Variants in TSHZ3 observed in about 807,000 individuals in gnomAD.
TSHZ3 encodes teashirt zinc finger homeobox 3, also known as teashirt homolog 3.
In TSHZ3, 10 loss-of-function variants were observed where a neutral mutation model predicts 64.5. The ratio of observed to expected loss-of-function variants is 0.16; its 90% CI spans 0.10 to 0.26. The LOEUF is 0.26. TSHZ3 is among the 10% of genes least tolerant of loss of function. The pLI, the probability that TSHZ3 is intolerant of heterozygous loss-of-function variation, is 1.00. For synonymous variants in TSHZ3, 608 were observed against 593.1 expected (o/e 1.03, Z -0.36); for missense variants, 1,242 against 1,421.7 (o/e 0.87, Z 2.03).
In TSHZ3 at chr19:31,333,047, AGT is replaced by A. The variant is rs1269774647; in HGVS notation, c.40+16131_40+16132del. On this transcript the variant is annotated intron_variant, in intron 1 of 1. Coordinates refer to ENST00000240587, the MANE Select transcript of TSHZ3 (RefSeq NM_020856.4). ...CTGAGCCCAAGGAGGTCGAGGCTGC[AGT>A]GAGCCATGATCATGCCACTGCACTC... Among the ~76,000 whole-genome samples the A allele has an allele frequency of 1.3e-5, 2 of 151,972 alleles. 1 individual carries two copies. Among genetic ancestry groups the A allele is most frequent in the Admixed American group, 1.3e-4 (2 of 15,246 alleles).
intron 1 of TSHZ3, among the ~76,000 whole-genome samples, chr19:31,248,764 T>A: frequency 7.2e-6 from 1 of 138,160 alleles, no homozygotes; most frequent in South Asian, 2.3e-4. Context: ...CACTCCAGCC[T>A]GGAGAGACAG....
chr19:31,175,471 G>A (rs954444663), intron 5 of TSHZ3, among the ~76,000 whole-genome samples: 10 of 152,144 alleles, frequency 6.6e-5, no homozygotes, highest in African/African-American at 2.4e-4. Context: ...TAGAATAATT[G>A]GTTTTAGAAG....
chr19:31,150,242 G>A (rs549166451), exon 7 of TSHZ3, among the ~76,000 whole-genome samples: 2 of 152,322 alleles, frequency 1.3e-5, no homozygotes, highest in Admixed American at 1.3e-4. Flanking sequence ...TCTGAAGTCA[G>A]CCCGTGAGGC....
intron 1 of TSHZ3, among the ~76,000 whole-genome samples, chr19:31,335,053 C>T (rs1191012253): frequency 2.0e-5 from 3 of 152,170 alleles, no homozygotes; most frequent in Non-Finnish European, 4.4e-5. Flanking sequence ...GTGAACTTCT[C>T]AAAACTTAAA....
chr19:31,331,264 G>A (rs938829110), intron 1 of TSHZ3, among the ~76,000 whole-genome samples: 13 of 152,230 alleles, frequency 8.5e-5, no homozygotes, highest in Non-Finnish European at 1.6e-4. Flanking sequence ...CTGTAAAACC[G>A]CTCTCATAGT....
chr19:31,210,859 G>C (rs1975252649), intron 4 of TSHZ3, among the ~76,000 whole-genome samples: 1 of 152,196 alleles, frequency 6.6e-6, no homozygotes, highest in African/African-American at 2.4e-5. Context: ...AGTGTTAACT[G>C]TGTCTAGTGT....
chr19:31,279,052 A>G lies in TSHZ3; in HGVS notation c.741T>C (p.Asp247=), dbSNP rs1472058487. Residue 247 remains aspartate (D), a synonymous_variant, in exon 2 of 2, where the codon GAT becomes GAC. Coordinates refer to ENST00000240587, the MANE Select transcript of TSHZ3 (RefSeq NM_020856.4). The surrounding 1 kb of genome is among the most constrained non-coding windows in gnomAD (Gnocchi z 6.4). ...TGGACCAGCGCTTGGGGTTGTTGTTATCGGTCTCATGGTTGTCGTCGCGGT... is the reference window on the plus strand; with the variant it reads ...TGGACCAGCGCTTGGGGTTGTTGTTGTCGGTCTCATGGTTGTCGTCGCGGT... The part of the protein sequence containing the change: ...GHYRDDNHET[D]NNNPKRWSKP... The G allele has an allele frequency of 5.6e-6, 9 of 1,613,828 alleles. No individual in the cohort carries two copies. The East Asian group carries it at 1.8e-4, about 32-fold the overall frequency.
chr19:31,270,384 C>T (rs185935629), downstream of TSHZ3, among the ~76,000 whole-genome samples: 169 of 152,350 alleles, frequency 1.1e-3, 2 homozygotes, highest in Non-Finnish European at 3.1e-4. Flanking sequence ...TCACAATCTG[C>T]AGCCTCAAAC....
chr19:31,350,653 C>A (rs1212403042), upstream of TSHZ3, among the ~76,000 whole-genome samples: 1 of 151,536 alleles, frequency 6.6e-6, no homozygotes, highest in Non-Finnish European at 1.5e-5. Flanking sequence ...CCGGCCCGGC[C>A]GACTGGCCGC....
At position 31,278,074 on chromosome 19, in the gene TSHZ3, C is replaced by T; in HGVS notation, c.1719G>A (p.Leu573=). 1 of 1,614,052 alleles carries T rather than the reference C, an allele frequency of 6.2e-7. No individual in the cohort carries two copies. Among genetic ancestry groups the T allele is most frequent in the Non-Finnish European group, 8.5e-7 (1 of 1,179,916 alleles). The part of the protein sequence containing the change: ...SLGSSGKSTP[L]KPMFGNSEIV... ...TCTCACTGTTGCCAAACATGGGTTT[C>T]AGGGGCGTGCTCTTCCCCGACGAGC... Residue 573 remains leucine (L), a synonymous_variant, in exon 2 of 2, where the codon CTG becomes CTA. Transcript: ENST00000240587. This position sits in a 1 kb window ranked among gnomAD's most constrained non-coding sequence, Gnocchi z 4.7.
chr19:31,231,161 C>T (rs1975534538), intron 3 of TSHZ3, among the ~76,000 whole-genome samples: 1 of 152,060 alleles, frequency 6.6e-6, no homozygotes, highest in South Asian at 2.1e-4. Flanking sequence ...AAGCTAAGTG[C>T]TATACAGATA....
intron 3 of TSHZ3, among the ~76,000 whole-genome samples, chr19:31,240,926 C>T (rs1384333980): frequency 6.6e-6 from 1 of 152,016 alleles, no homozygotes; most frequent in Non-Finnish European, 1.5e-5. Context: ...TCATTAGGAC[C>T]ATATTTTTCT....
At chr19:31,300,735 T>C (rs1462101008) in intron 1 of TSHZ3, among the ~76,000 whole-genome samples, 1 of 152,076 alleles carries the variant, frequency 6.6e-6, no homozygotes, top group South Asian at 2.1e-4. Context: ...TGGTAAGAAG[T>C]TTAATTTTCA....
At chr19:31,273,253 C>T (rs376746955), downstream of TSHZ3, among the ~76,000 whole-genome samples, 2 of 152,274 alleles carry the variant, frequency 1.3e-5, no homozygotes, top group East Asian at 1.9e-4. Flanking sequence ...GCCCTACTGC[C>T]CAATTCTGAT....
upstream of TSHZ3, among the ~76,000 whole-genome samples, chr19:31,350,301 C>T (rs1441587392): frequency 6.6e-6 from 1 of 150,994 alleles, no homozygotes. Flanking sequence ...CCACTTCCCC[C>T]AATTTTTTTT....
At chr19:31,243,744 G>A (rs541960470) in intron 1 of TSHZ3, among the ~76,000 whole-genome samples, 74 of 152,238 alleles carry the variant, frequency 4.9e-4, no homozygotes, top group African/African-American at 1.4e-3. Flanking sequence ...TGTTCATCGA[G>A]CTCTGGGAAT....
chr19:31,321,992 C>A (rs539815087), intron 1 of TSHZ3, among the ~76,000 whole-genome samples: 34 of 152,266 alleles, frequency 2.2e-4, no homozygotes, highest in Non-Finnish European at 4.4e-4. Flanking sequence ...CCCCCTACCC[C>A]CAAAAAGGCC....
rs534163997 is a variant in TSHZ3, at chr19:31,321,861, G to A, written c.40+27319C>T. 5.9e-5 allele frequency among the ~76,000 whole-genome samples: 9 copies of A among 151,294 alleles called. No homozygotes were observed. In the South Asian group the frequency reaches 1.9e-3, roughly 32 times the overall value. On this transcript the variant is annotated intron_variant, in intron 1 of 1. Coordinates refer to ENST00000240587, the MANE Select transcript of TSHZ3 (RefSeq NM_020856.4). ...TCTTTTTTTTTATACTTTAAGTTCT[G>A]GGGTACATGTGCAGAACGTGCATGT...
Position 31,171,301 on chromosome 19 carries a change from C to T in TSHZ3, n.810-14884G>A, listed in dbSNP as rs555612749. ...TCACGTCGCTCCCTGCACAGAAAGA[C>T]AATCACTGAGACAATGAGTATTGCC... On this transcript the variant is annotated intron_variant and non_coding_transcript_variant, in intron 5 of 6. Coordinates refer to the TSHZ3 transcript ENST00000651361. Among the ~76,000 whole-genome samples the T allele has an allele frequency of 3.2e-4, 49 of 152,176 alleles. No individual in the cohort carries two copies. In the East Asian group the frequency reaches 6.8e-3, roughly 21 times the overall value.
Sources: gnomAD v4.1 joint callset for allele counts (sites outside exome capture counted in the v4.1 genomes callset) on GRCh38, gnomAD v4.1.1 for gene constraint, Gnocchi (gnomAD v3.1) non-coding constraint, MANE v1.5 for transcripts, NCBI Gene and HGNC (gene_info 2026-07-23, HGNC 2026-07-21) for gene names.